The following MRPS18C variants were observed in gnomAD, a reference collection of about 807,000 sequenced individuals.
MRPS18C encodes mitochondrial ribosomal protein S18C.
In MRPS18C, 21 loss-of-function variants were observed where a neutral mutation model predicts 21.0. The observed-to-expected ratio is 1.00, with a 90% CI of 0.71 to 1.44. The LOEUF is 1.44. Among genes scored for constraint, MRPS18C ranks in the 40% most tolerant of loss-of-function variants. The pLI, the probability that MRPS18C is intolerant of heterozygous loss-of-function variation, is 0.00. For synonymous variants in MRPS18C, 65 were observed against 54.3 expected (o/e 1.20, Z -0.87); for missense variants, 152 against 171.5 (o/e 0.89, Z 0.64).
In MRPS18C at chr4:83,459,625, G is replaced by A. The variant is rs1578118821; in HGVS notation, c.235-115G>A. ...ATTTTTTTCTTATATTTTATGAAATGTGTCTGAAATTTAGTAAAGCTTTAT... is the reference window on the plus strand; with the variant it reads ...ATTTTTTTCTTATATTTTATGAAATATGTCTGAAATTTAGTAAAGCTTTAT... On this transcript the variant is annotated intron_variant, in intron 3 of 5. Transcript: ENST00000295491. 11 of 839,788 alleles carry A rather than the reference G, an allele frequency of 1.3e-5. No individual in the cohort carries two copies. The East Asian group carries it at 2.9e-4, about 22-fold the overall frequency. The allele number at this position is 839,788 out of a possible 1,614,324, so 52.0% of individuals were successfully genotyped here.
intron 2 of MRPS18C, 56 bp downstream of exon 2, chr4:83,457,014 T>G (rs1721868217): frequency 2.0e-6 from 3 of 1,495,224 alleles, no homozygotes; most frequent in Non-Finnish European, 2.8e-6. Flanking sequence ...AAAATGTTTT[T>G]CTTTTTAAAA....
At chr4:83,460,928 A>G in intron 4 of MRPS18C, 45 bp from the exon 5 acceptor site, 1 of 1,559,448 alleles carries the variant, frequency 6.4e-7, no homozygotes, top group South Asian at 1.2e-5. Flanking sequence ...TGCAAACTTT[A>G]AATATTGACA....
In MRPS18C at chr4:83,461,246, A is replaced by G. The variant is rs535835373; in HGVS notation, c.*49A>G. On this transcript the variant is annotated 3_prime_UTR_variant, in exon 6 of 6. Coordinates refer to ENST00000295491, the MANE Select transcript of MRPS18C (RefSeq NM_016067.4). The stretch of plus-strand genomic sequence containing the variant: ...AACTTATTTTACAGTAAGTGGTTGT[A>G]TGATGCCAATACTGACTCAAACCAA... 3 of 1,543,668 alleles carry G rather than the reference A, an allele frequency of 1.9e-6. No individual in the cohort carries two copies. The East Asian group carries it at 6.7e-5, about 35-fold the overall frequency.
At chr4:83,456,985 G>T (rs773075880) in intron 2 of MRPS18C, 27 bp downstream of exon 2, 4 of 1,599,756 alleles carry the variant, frequency 2.5e-6, no homozygotes, top group East Asian at 2.2e-5. Flanking sequence ...CTATTAGTAA[G>T]GCCTTTGCAA....
intron 1 of MRPS18C, 131 bp downstream of exon 1, chr4:83,456,308 A>T: frequency 2.6e-6 from 2 of 762,030 alleles, no homozygotes; most frequent in East Asian, 5.2e-5. Context: ...GATGGGTGGG[A>T]ATCTGTAATT....
rs759031757 is a variant in MRPS18C at position 83,458,399 on chromosome 4, T to C, written c.204T>C (p.Cys68=). The C allele has an allele frequency of 6.2e-7, 1 of 1,603,158 alleles. No homozygotes were observed. Among genetic ancestry groups the C allele is most frequent in the Non-Finnish European group, 8.5e-7 (1 of 1,171,638 alleles). ...AACCTCTTAAGAAATGTATCTTGTG[T>C]GGAAAGCATGTAGATTATAAGAATG... ...YKEPLKKCIL[C]GKHVDYKNVQ... The change falls in exon 3 of 6, where the codon TGT becomes TGC. Residue 68 remains cysteine (C), a synonymous_variant. Coordinates refer to ENST00000295491, the MANE Select transcript of MRPS18C (RefSeq NM_016067.4).
intron 2 of MRPS18C, chr4:83,457,767 C>T (rs1473768469): frequency 2.6e-5 from 4 of 152,660 alleles, no homozygotes; most frequent in East Asian, 1.9e-4. Context: ...AGATTAAGAA[C>T]CTCTATCCTG....
rs1722145525 is a variant in MRPS18C at position 83,462,224 on chromosome 4, G to C, written c.*1027G>C. On this transcript the variant is annotated 3_prime_UTR_variant, in exon 6 of 6. Transcript: ENST00000295491. ...TTCCAATTCTAAAGAATGTGTCTGT[G>C]TAAGCCTTCCCCTCAACAACTTAGT... The C allele has an allele frequency of 2.2e-6, 1 of 458,892 alleles. No homozygotes were observed. The highest frequency in any genetic ancestry group is 3.8e-5 in the East Asian group (1 of 26,122). 28.4% of individuals were successfully genotyped at this position (458,892 alleles called of 1,614,324 possible).
At chr4:83,459,822 T>C (rs1181671623) in intron 4 of MRPS18C, 25 bp downstream of exon 4, 1 of 1,529,916 alleles carries the variant, frequency 6.5e-7, no homozygotes, top group Non-Finnish European at 9.0e-7. Context: ...ATTATGGGAA[T>C]ATAAATGTAG....
In MRPS18C at chr4:83,461,594, T is replaced by C; in HGVS notation, c.*397T>C. 1 of 291,710 alleles carries C rather than the reference T, an allele frequency of 3.4e-6. No individual in the cohort carries two copies. The highest frequency in any genetic ancestry group is 6.6e-6 in the Non-Finnish European group (1 of 151,856). 18.1% of individuals were successfully genotyped at this position (291,710 alleles called of 1,614,324 possible). A position where few individuals can be genotyped will look rare whatever the true frequency, so the allele number is the denominator to read the frequency against. ...GGTGCTGTCACAGAAGGACAAAATA[T>C]TCCTAGACGAGTCTACCCTCAAACC... On this transcript the variant is annotated 3_prime_UTR_variant, in exon 6 of 6. Transcript: ENST00000295491.
intron 4 of MRPS18C, chr4:83,460,569 T>C (rs1165460372): frequency 9.4e-6 from 2 of 211,892 alleles, no homozygotes; most frequent in East Asian, 1.4e-4. Context: ...TAGATTATTA[T>C]TGTGGCCCTT....
At chr4:83,456,249 T>A in intron 1 of MRPS18C, 72 bp downstream of exon 1, 9 of 1,151,984 alleles carry the variant, frequency 7.8e-6, no homozygotes, top group East Asian at 2.6e-5. Flanking sequence ...GTTAGAGTCG[T>A]CCCTGTTAGC....
chr4:83,459,406 T>C (rs150624235), intron 3 of MRPS18C: 148 of 199,414 alleles, frequency 7.4e-4, no homozygotes, highest in Middle Eastern at 2.0e-3. Flanking sequence ...TATCAGAGGG[T>C]AATGTGATAG....
Position 83,461,523 on chromosome 4 carries a change from TTAAGA to T in MRPS18C, c.*329_*333del, listed in dbSNP as rs1722117040. ...AACTAGCAAATATAAGTATGCCTGG[TTAAGA>T]TATCTTCCCTTTGTAGAAATGTTAC... On this transcript the variant is annotated 3_prime_UTR_variant, in exon 6 of 6. Coordinates refer to ENST00000295491, the MANE Select transcript of MRPS18C (RefSeq NM_016067.4). The T allele has an allele frequency of 3.1e-6, 1 of 327,190 alleles. No homozygotes were observed. The highest frequency in any genetic ancestry group is 4.2e-5 in the Admixed American group (1 of 23,614). 20.3% of individuals were successfully genotyped at this position (327,190 alleles called of 1,614,324 possible). A position where few individuals can be genotyped will look rare whatever the true frequency, so the allele number is the denominator to read the frequency against.
chr4:83,459,676 TTTACACATTC>T, intron 3 of MRPS18C, 54 bp from the exon 4 acceptor site: 1 of 1,452,010 alleles, frequency 6.9e-7, no homozygotes. Flanking sequence ...TTTTTTGAAA[TTTACACATTC>T]AGAAATAAAT....
chr4:83,458,409 G>A lies in MRPS18C; in HGVS notation c.214G>A (p.Val72Ile). Residue 72 changes from valine (V) to isoleucine (I), a missense_variant, in exon 3 of 6, where the codon GTA becomes ATA. This residue lies in a region of MRPS18C where 118 missense variants were observed against 104.4 expected (regional missense o/e 1.13). Coordinates refer to ENST00000295491, the MANE Select transcript of MRPS18C (RefSeq NM_016067.4). ...LKKCILCGKH[V>I]DYKNVQLLSQ... ...GAAATGTATCTTGTGTGGAAAGCATGTAGATTATAAGAATGTACAGGTGAG... is the reference window on the plus strand; with the variant it reads ...GAAATGTATCTTGTGTGGAAAGCATATAGATTATAAGAATGTACAGGTGAG... 1 of 1,597,872 alleles carries A rather than the reference G, an allele frequency of 6.3e-7. No individual in the cohort carries two copies. The highest frequency in any genetic ancestry group is 8.6e-7 in the Non-Finnish European group (1 of 1,167,088).
At chr4:83,460,130 T>C (rs1355519710) in intron 4 of MRPS18C, 6 of 177,462 alleles carry the variant, frequency 3.4e-5, no homozygotes, top group Non-Finnish European at 5.8e-5. Flanking sequence ...GCTCCCTTTT[T>C]ATCTTGATTA....
rs974433115 is a variant in MRPS18C at position 83,456,775 on chromosome 4, C to G, written c.101-134C>G. On this transcript the variant is annotated intron_variant, in intron 1 of 5. Transcript: ENST00000295491. ...CTGTCCCAAATATAAAAGTTTTTAACCATTCTGAATATAATACAAAACCTT... is the reference window on the plus strand; with the variant it reads ...CTGTCCCAAATATAAAAGTTTTTAAGCATTCTGAATATAATACAAAACCTT... 10 of 820,276 alleles carry G rather than the reference C, an allele frequency of 1.2e-5. No homozygotes were observed. The African/African-American group carries it at 1.6e-4, about 13-fold the overall frequency. 50.8% of individuals were successfully genotyped at this position (820,276 alleles called of 1,614,324 possible). A position where few individuals can be genotyped will look rare whatever the true frequency, so the allele number is the denominator to read the frequency against.
At chr4:83,459,637 T>C (rs1722001701) in intron 3 of MRPS18C, 103 bp from the exon 4 acceptor site, 1 of 970,402 alleles carries the variant, frequency 1.0e-6, no homozygotes, top group African/African-American at 1.6e-5. Flanking sequence ...GTCTGAAATT[T>C]AGTAAAGCTT....
Sources: gnomAD v4.1 joint callset for allele counts on GRCh38, gnomAD v4.1.1 for gene constraint, gnomAD v4.1.1 regional missense constraint, MANE v1.5 for transcripts, NCBI Gene and HGNC (gene_info 2026-07-23, HGNC 2026-07-21) for gene names.